Variants in CNTNAP3 observed in about 807,000 individuals in gnomAD.
CNTNAP3 encodes contactin-associated protein-like 3.
A neutral mutation model predicts 92.1 loss-of-function variants in CNTNAP3; 36 were observed. The observed-to-expected ratio is 0.39, with a 90% CI of 0.30 to 0.52. The LOEUF (loss-of-function observed/expected upper bound fraction) is 0.52. Ranked by LOEUF, CNTNAP3 falls within the 20% of genes least tolerant of loss-of-function variation. CNTNAP3 has a pLI of 0.76. For synonymous variants in CNTNAP3, 232 were observed against 422.3 expected (o/e 0.55, Z 5.53); for missense variants, 534 against 1,069.6 (o/e 0.50, Z 6.98).
At chr9:39,075,004 A>C (rs1461140108) in intron 23 of CNTNAP3, among the ~76,000 whole-genome samples, 1,374 of 137,160 alleles carry the variant, frequency 0.01, no homozygotes, top group African/African-American at 0.024. Context: ...TCCTGACCTC[A>C]TGATCCGTCC....
chr9:39,136,225 G>A (rs369385955), intron 12 of CNTNAP3, among the ~76,000 whole-genome samples: 8 of 151,908 alleles, frequency 5.3e-5, no homozygotes, highest in Middle Eastern at 3.4e-3. Context: ...TAGTGAAGTC[G>A]CAATATTGTA....
At chr9:39,084,724 T>A (rs577216033) in intron 21 of CNTNAP3, among the ~76,000 whole-genome samples, 1 of 152,140 alleles carries the variant, frequency 6.6e-6, no homozygotes, top group Non-Finnish European at 1.5e-5. Context: ...CTAAATGATG[T>A]GAGAGTGGCA....
intron 23 of CNTNAP3, among the ~76,000 whole-genome samples, chr9:39,074,394 T>C (rs1009546556): frequency 6.9e-6 from 1 of 145,324 alleles, no homozygotes; most frequent in Non-Finnish European, 1.5e-5. Flanking sequence ...CATTGCTTTT[T>C]AAGTTTGGTT....
chr9:39,086,056 C>T, intron 20 of CNTNAP3: 5 of 586,136 alleles, frequency 8.5e-6, no homozygotes, highest in Non-Finnish European at 1.2e-5. Flanking sequence ...CACTTGCTGG[C>T]TTTACTCTTC....
At chr9:39,093,822 T>C (rs1286204617) in intron 18 of CNTNAP3, among the ~76,000 whole-genome samples, 1 of 151,484 alleles carries the variant, frequency 6.6e-6, no homozygotes, top group Admixed American at 6.6e-5. Context: ...CTATGAACAT[T>C]TGTATACAAG....
At chr9:39,147,654 A>T (rs1821735081) in intron 10 of CNTNAP3, among the ~76,000 whole-genome samples, 4 of 152,242 alleles carry the variant, frequency 2.6e-5, no homozygotes, top group Admixed American at 2.6e-4. Context: ...ATACATGCTT[A>T]GTTGAGCATG....
Position 39,067,552 on chromosome 9 carries a change from C to G in CNTNAP3, c.*6338G>C, listed in dbSNP as rs1685724010. ...AGCTGGGACTTCAGGCGCCCAACAC[C>G]ACGCCCGGCTAATTTTTGTATGTTT... is the stretch of plus-strand genomic sequence containing the variant. On this transcript the variant is annotated 3_prime_UTR_variant, in exon 24 of 24. Coordinates refer to ENST00000297668, the MANE Select transcript of CNTNAP3 (RefSeq NM_033655.5). 6.6e-6 allele frequency among the ~76,000 whole-genome samples: 1 copy of G among 152,306 alleles called. No individual in the cohort carries two copies. Among genetic ancestry groups the G allele is most frequent in the Non-Finnish European group, 1.5e-5 (1 of 68,056 alleles).
chr9:39,148,651 G>A (rs549783685), intron 10 of CNTNAP3, among the ~76,000 whole-genome samples: 16 of 151,288 alleles, frequency 1.1e-4, no homozygotes, highest in South Asian at 1.0e-3. Context: ...TCAGCCTGCC[G>A]AGTAGCTGGA....
At chr9:39,112,447 C>A (rs1451273337) in intron 14 of CNTNAP3, among the ~76,000 whole-genome samples, 1 of 152,006 alleles carries the variant, frequency 6.6e-6, no homozygotes, top group Non-Finnish European at 1.5e-5. Context: ...CTCACTGCAA[C>A]CTCCACCCCC....
In CNTNAP3 at chr9:39,136,468, G is replaced by C. The variant is rs2118070638; in HGVS notation, c.1877-3333C>G. Among the ~76,000 whole-genome samples the C allele has an allele frequency of 2.0e-5, 3 of 152,144 alleles. No individual in the cohort carries two copies. The South Asian group carries it at 6.2e-4, about 32-fold the overall frequency. On this transcript the variant is annotated intron_variant, in intron 12 of 23. Coordinates refer to ENST00000297668, the MANE Select transcript of CNTNAP3 (RefSeq NM_033655.5). ...CTTCACTTTTCAAGGAGAAGGTTTT[G>C]TTTTGTTTTGTTTTCTCTCTTTCAC... is the stretch of plus-strand genomic sequence containing the variant.
intron 12 of CNTNAP3, among the ~76,000 whole-genome samples, chr9:39,137,499 G>A (rs1035913661): frequency 2.0e-5 from 3 of 151,872 alleles, no homozygotes; most frequent in African/African-American, 7.3e-5. Flanking sequence ...ATCTGACTCT[G>A]GTTTTTGTTT....
chr9:39,125,400 C>A (rs1468059032), intron 13 of CNTNAP3, among the ~76,000 whole-genome samples: 1 of 152,008 alleles, frequency 6.6e-6, no homozygotes, highest in African/African-American at 2.4e-5. Flanking sequence ...GGAGATATAG[C>A]TAATGTAAAT....
intron 10 of CNTNAP3, among the ~76,000 whole-genome samples, chr9:39,147,017 T>G (rs1397937379): frequency 1.3e-5 from 2 of 152,170 alleles, no homozygotes; most frequent in Admixed American, 6.5e-5. Context: ...ATCTTTCTCA[T>G]GCTGTTCTCA....
chr9:39,137,661 C>T (rs532524757), intron 12 of CNTNAP3, among the ~76,000 whole-genome samples: 21 of 150,612 alleles, frequency 1.4e-4, no homozygotes, highest in Non-Finnish European at 2.7e-4. Context: ...TACAGGCACC[C>T]GCCACTATGC....
chr9:39,118,641 A>G (rs1001019429), intron 13 of CNTNAP3, among the ~76,000 whole-genome samples: 16 of 152,224 alleles, frequency 1.1e-4, no homozygotes, highest in African/African-American at 3.9e-4. Flanking sequence ...AGAAAGTTTA[A>G]TATTATACAA....
In CNTNAP3 at chr9:39,068,937, A is replaced by G. The variant is rs1825575036; in HGVS notation, c.*4953T>C. On this transcript the variant is annotated 3_prime_UTR_variant, in exon 24 of 24. Transcript: ENST00000297668. ...AGGTTGTTTCATGCAGGAGGGTTAG[A>G]GGGTAAATATGCTCCCTATTACTCC... is the stretch of plus-strand genomic sequence containing the variant. 6.6e-6 allele frequency among the ~76,000 whole-genome samples: 1 copy of G among 152,312 alleles called. No individual in the cohort carries two copies. Among genetic ancestry groups the G allele is most frequent in the Non-Finnish European group, 1.5e-5 (1 of 68,058 alleles).
At chr9:39,095,204 A>G (rs893934189) in intron 18 of CNTNAP3, among the ~76,000 whole-genome samples, 4 of 151,632 alleles carry the variant, frequency 2.6e-5, no homozygotes, top group African/African-American at 9.7e-5. Context: ...AACTTCGCTG[A>G]ATTTATTTAT....
At chr9:39,082,407 G>A (rs1290751818) in intron 21 of CNTNAP3, among the ~76,000 whole-genome samples, 1 of 151,796 alleles carries the variant, frequency 6.6e-6, no homozygotes, top group Admixed American at 6.6e-5. Context: ...ACTTAGTGCA[G>A]CCTCCTCATT....
intron 18 of CNTNAP3, among the ~76,000 whole-genome samples, chr9:39,097,752 G>A (rs1231679120): frequency 2.1e-5 from 3 of 143,978 alleles, no homozygotes; most frequent in African/African-American, 7.6e-5. Context: ...GCTAGGGATG[G>A]GGAGGTGCTG....
Sources: gnomAD v4.1 joint callset for allele counts (sites outside exome capture counted in the v4.1 genomes callset) on GRCh38, gnomAD v4.1.1 for gene constraint, MANE v1.5 for transcripts, NCBI Gene and HGNC (gene_info 2026-07-23, HGNC 2026-07-21) for gene names.